The following KIF14 variants were observed in gnomAD, a reference collection of about 807,000 sequenced individuals.
The protein encoded by KIF14 is kinesin family member 14, also known as kinesin-like protein KIF14.
Under a neutral mutation model 176.2 loss-of-function variants are expected in KIF14, and 98 were observed. That is an observed-to-expected ratio of 0.56 (90% confidence interval 0.47 to 0.66). KIF14 has a LOEUF of 0.66. Among genes scored for constraint, KIF14 ranks in the 30% least tolerant of loss-of-function variants. The pLI, the probability that KIF14 is intolerant of heterozygous loss-of-function variation, is 0.00. For synonymous variants in KIF14, 566 were observed against 632.2 expected (o/e 0.90, Z 1.57); for missense variants, 1,751 against 1,920.4 (o/e 0.91, Z 1.65).
chr1:200,597,046 G>C (rs1659388524), intron 14 of KIF14, among the ~76,000 whole-genome samples: 1 of 151,264 alleles, frequency 6.6e-6, no homozygotes. Context: ...TTACAGGCAG[G>C]TACCACCACG....
intron 25 of KIF14, among the ~76,000 whole-genome samples, chr1:200,563,365 CT>C (rs1419475860): frequency 6.6e-6 from 1 of 151,804 alleles, no homozygotes; most frequent in Non-Finnish European, 1.5e-5. Context: ...AAATAGTTTA[CT>C]TTTTGTTATT....
At chr1:200,610,628 G>A (rs2815289) in intron 4 of KIF14, among the ~76,000 whole-genome samples, 31,769 of 151,980 alleles carry the variant, frequency 0.21, 3,454 homozygotes, top group South Asian at 0.23. Flanking sequence ...CCTACCTACT[G>A]CATGTTTGGC....
intron 29 of KIF14, 34 bp from the exon 30 acceptor site, chr1:200,553,801 C>T: frequency 6.5e-7 from 1 of 1,536,108 alleles, no homozygotes; most frequent in Non-Finnish European, 8.8e-7. Flanking sequence ...AGTTAATTAG[C>T]CTTTTCAGTT....
chr1:200,598,521 T>C, intron 13 of KIF14, 100 bp from the exon 14 acceptor site: 1 of 705,138 alleles, frequency 1.4e-6, no homozygotes, highest in Non-Finnish European at 2.2e-6. Context: ...AACAATTCTA[T>C]ATGAAGTCTC....
At chr1:200,578,376 C>T (rs1658249338) in intron 21 of KIF14, among the ~76,000 whole-genome samples, 1 of 152,030 alleles carries the variant, frequency 6.6e-6, no homozygotes, top group East Asian at 1.9e-4. Context: ...CTACAATGAT[C>T]TAAGTAGTAT....
intron 22 of KIF14, among the ~76,000 whole-genome samples, chr1:200,571,935 G>A (rs1571482364): frequency 1.3e-5 from 2 of 152,048 alleles, no homozygotes; most frequent in East Asian, 3.8e-4. Context: ...ACTTTTAATT[G>A]TCAACAGTAT....
At position 200,606,784 on chromosome 1, in the gene KIF14, T is replaced by C; in HGVS notation, c.1569A>G (p.Glu523=). 9.9e-6 allele frequency: 16 copies of C among 1,613,382 alleles called. No individual in the cohort carries two copies. Among genetic ancestry groups the C allele is most frequent in the Non-Finnish European group, 1.4e-5 (16 of 1,179,624 alleles). ...CAACATATGGTCCATAAACAGGATG[T>C]TCCCTCACTCTCAGCTAGAAGAAGC... ...GQRKQPLRVR[E]HPVYGPYVEA... is the part of the protein sequence containing the mutation. The change falls in exon 6 of 30, where the codon GAA becomes GAG. Residue 523 remains glutamate, a synonymous_variant. Transcript: ENST00000367350.
In KIF14 at chr1:200,569,968, A is replaced by G; in HGVS notation, c.3604T>C (p.Cys1202Arg). The G allele has an allele frequency of 3.7e-6, 6 of 1,605,446 alleles. No individual in the cohort carries two copies. Among genetic ancestry groups the G allele is most frequent in the Non-Finnish European group, 5.1e-6 (6 of 1,173,976 alleles). The change falls in exon 23 of 30, where the codon TGT becomes CGT. Residue 1202 changes from cysteine to arginine, a missense_variant. By Grantham distance (180) the Cys-to-Arg change is radical. Coordinates refer to ENST00000367350, the MANE Select transcript of KIF14 (RefSeq NM_014875.3). ...GGATGGACTTGTATGTCATGTAAACAACCAGAAATTCTTCTGTTCTTCATC... is the reference window on the plus strand; with the variant it reads ...GGATGGACTTGTATGTCATGTAAACGACCAGAAATTCTTCTGTTCTTCATC... ...SLMKNRRISG[C>R]LHDIQVHPIK... is the part of the protein sequence containing the mutation.
Position 200,593,654 on chromosome 1 carries a change from C to T in KIF14, c.2652+13G>A. 3 of 1,451,214 alleles carry T rather than the reference C, an allele frequency of 2.1e-6. No individual in the cohort carries two copies. Among genetic ancestry groups the T allele is most frequent in the Non-Finnish European group, 2.9e-6 (3 of 1,032,264 alleles). 89.9% of individuals were successfully genotyped at this position (1,451,214 alleles called of 1,614,324 possible). On this transcript the variant is annotated intron_variant, in intron 15 of 29. Transcript: ENST00000367350. Reference sequence around the variant, plus strand: ...TCGAACAGTTTCTTATATTATAGCACCCATCCACTTACATGACGTAATACT... The same window carrying T: ...TCGAACAGTTTCTTATATTATAGCATCCATCCACTTACATGACGTAATACT...
intron 18 of KIF14, among the ~76,000 whole-genome samples, chr1:200,588,247 T>G (rs868138448): frequency 3.0e-4 from 35 of 116,620 alleles, no homozygotes; most frequent in African/African-American, 1.2e-3. Context: ...TTGTTTGTTT[T>G]GTTTTTTTTT....
At chr1:200,597,811 G>A (rs1659427206) in intron 14 of KIF14, among the ~76,000 whole-genome samples, 1 of 152,118 alleles carries the variant, frequency 6.6e-6, no homozygotes, top group Non-Finnish European at 1.5e-5. Flanking sequence ...ACACAATGCA[G>A]AGTCAAAAAA....
rs1463289138 is a variant in KIF14, at chr1:200,615,491, C to T, written c.1231G>A (p.Asp411Asn). 1 of 1,614,064 alleles carries T rather than the reference C, an allele frequency of 6.2e-7. No homozygotes were observed. Among genetic ancestry groups the T allele is most frequent in the Non-Finnish European group, 8.5e-7 (1 of 1,179,982 alleles). Reference sequence around the variant, plus strand: ...CTAGCGTAGTGAGGATGACATTCATCAAAAGACCAGAATGAAACATCATAA... The same window carrying T: ...CTAGCGTAGTGAGGATGACATTCATTAAAAGACCAGAATGAAACATCATAA... ...FIYDVSFWSF[D>N]ECHPHYASQT... Residue 411 changes from aspartate (D) to asparagine (N), a missense_variant, in exon 3 of 30, where the codon GAT becomes AAT. Transcript: ENST00000367350.
At chr1:200,573,185 C>G (rs1289298179) in intron 22 of KIF14, among the ~76,000 whole-genome samples, 3 of 152,274 alleles carry the variant, frequency 2.0e-5, no homozygotes, top group African/African-American at 7.2e-5. Context: ...GCAGGAGCAG[C>G]AGCTGCTCTG....
intron 3 of KIF14, among the ~76,000 whole-genome samples, chr1:200,614,817 A>G (rs902871345): frequency 7.6e-6 from 1 of 132,400 alleles, no homozygotes; most frequent in African/African-American, 2.8e-5. Flanking sequence ...AAAAAAAAAA[A>G]AGAACTCAAA....
At chr1:200,597,644 T>C (rs1659418869) in intron 14 of KIF14, among the ~76,000 whole-genome samples, 1 of 151,406 alleles carries the variant, frequency 6.6e-6, no homozygotes, top group South Asian at 2.1e-4. Flanking sequence ...AATTAGCTAC[T>C]AAAGTTGAAT....
At chr1:200,604,311 T>C (rs946846596) in intron 8 of KIF14, among the ~76,000 whole-genome samples, 2 of 152,088 alleles carry the variant, frequency 1.3e-5, no homozygotes, top group Admixed American at 1.3e-4. Context: ...CAAGTGATCC[T>C]CCTGCCTCGG....
At chr1:200,580,006 T>C (rs1217687171) in intron 21 of KIF14, among the ~76,000 whole-genome samples, 2 of 152,120 alleles carry the variant, frequency 1.3e-5, no homozygotes, top group African/African-American at 4.8e-5. Flanking sequence ...ACCCTTAAAT[T>C]TCTCTATTAT....
At chr1:200,605,148 A>G (rs771838290) in intron 8 of KIF14, 135 bp downstream of exon 8, 4 of 782,042 alleles carry the variant, frequency 5.1e-6, no homozygotes, top group South Asian at 1.8e-5. Flanking sequence ...TTGCCTGTGG[A>G]AAAAAAATAC....
chr1:200,563,345 TTC>T (rs1376606490), intron 25 of KIF14, among the ~76,000 whole-genome samples: 1 of 152,180 alleles, frequency 6.6e-6, no homozygotes, highest in African/African-American at 2.4e-5. Context: ...TCTTAGTATT[TTC>T]TTTTTTTAAA....
Sources: gnomAD v4.1 joint callset for allele counts (sites outside exome capture counted in the v4.1 genomes callset) on GRCh38, gnomAD v4.1.1 for gene constraint, MANE v1.5 for transcripts, NCBI Gene and HGNC (gene_info 2026-07-23, HGNC 2026-07-21) for gene names.